The following ZBTB20 variants were observed in gnomAD, a reference collection of about 807,000 sequenced individuals.
ZBTB20 encodes zinc finger and BTB domain-containing protein 20.
ZBTB20 carries 9 observed loss-of-function variants against 56.9 expected under a neutral mutation model. The observed-to-expected ratio is 0.16, with a 90% confidence interval of 0.10 to 0.28. The LOEUF (loss-of-function observed/expected upper bound fraction) is 0.28, where lower values mean the gene tolerates loss of function less well. ZBTB20 is among the 10% of genes least tolerant of loss of function. ZBTB20 has a pLI of 1.00. For missense variants in ZBTB20, 655 were observed against 1,003.0 expected, an observed-to-expected ratio of 0.65 and a Z score of 4.69; for synonymous variants, 417 against 420.7, an observed-to-expected ratio of 0.99 and a Z score of 0.11.
chr3:114,973,374 T>C (rs1159787002), intron 3 of ZBTB20, among the ~76,000 whole-genome samples: 1 of 152,186 alleles, frequency 6.6e-6, no homozygotes, highest in Non-Finnish European at 1.5e-5. Flanking sequence ...CATTACCCTG[T>C]TGACATACAG....
chr3:114,741,875 T>TAAAAAAAAAAAAA (rs554920594), intron 5 of ZBTB20, among the ~76,000 whole-genome samples: 2 of 100,472 alleles, frequency 2.0e-5, no homozygotes, highest in Non-Finnish European at 2.1e-5. Context: ...AGCAAGACTG[T>TAAAAAAAAAAAAA]AAAAAAAAAA....
At chr3:114,885,845 G>T (rs1371316821) in intron 4 of ZBTB20, among the ~76,000 whole-genome samples, 4 of 152,144 alleles carry the variant, frequency 2.6e-5, no homozygotes, top group Non-Finnish European at 4.4e-5. Context: ...AGAGCTGAAA[G>T]TTAAAAGAAA....
chr3:115,067,591 A>AT (rs2082254161), intron 2 of ZBTB20, among the ~76,000 whole-genome samples: 1 of 151,956 alleles, frequency 6.6e-6, no homozygotes, highest in Non-Finnish European at 1.5e-5. Context: ...TTATCTTCAG[A>AT]TTGTCCTCCA....
intron 6 of ZBTB20, among the ~76,000 whole-genome samples, chr3:114,620,581 T>C (rs1168166903): frequency 6.6e-6 from 1 of 152,160 alleles, no homozygotes; most frequent in Non-Finnish European, 1.5e-5. Flanking sequence ...CATGAGCCAC[T>C]GTGTCCGGCT....
chr3:114,974,501 G>A (rs796421219), intron 2 of ZBTB20, 85 bp from the exon 3 acceptor site: 14 of 152,256 alleles, frequency 9.2e-5, no homozygotes, highest in African/African-American at 3.1e-4. Context: ...CCAGGTAGCT[G>A]AGTTTGTGTA....
At chr3:115,007,358 A>G (rs535072762) in intron 2 of ZBTB20, among the ~76,000 whole-genome samples, 19 of 151,832 alleles carry the variant, frequency 1.3e-4, no homozygotes, top group African/African-American at 4.6e-4. Context: ...AAAAAAGAGA[A>G]AGAGAAAAAA....
At chr3:114,965,006 T>C (rs916031122) in intron 3 of ZBTB20, among the ~76,000 whole-genome samples, 1 of 152,116 alleles carries the variant, frequency 6.6e-6, no homozygotes, top group African/African-American at 2.4e-5. Context: ...TCCTAAAATA[T>C]GTCTATCTGA....
intron 4 of ZBTB20, among the ~76,000 whole-genome samples, chr3:114,802,579 G>A (rs564531965): frequency 4.6e-5 from 7 of 151,958 alleles, no homozygotes; most frequent in African/African-American, 1.7e-4. Context: ...AGAAATTATG[G>A]AGGCGTCACC....
chr3:114,716,622 A>C (rs1328394581), intron 5 of ZBTB20, among the ~76,000 whole-genome samples: 1 of 152,098 alleles, frequency 6.6e-6, no homozygotes, highest in African/African-American at 2.4e-5. Context: ...CTGGTTTTAA[A>C]AGCTTGTAAG....
intron 7 of ZBTB20, among the ~76,000 whole-genome samples, chr3:114,426,718 T>C (rs1457954564): frequency 1.3e-5 from 2 of 152,202 alleles, no homozygotes; most frequent in Non-Finnish European, 2.9e-5. Context: ...ACCTCACTTA[T>C]GCCAGAGAGA....
chr3:114,629,552 T>C (rs1232312528), intron 6 of ZBTB20, among the ~76,000 whole-genome samples: 1 of 152,164 alleles, frequency 6.6e-6, no homozygotes, highest in Admixed American at 6.5e-5. Flanking sequence ...CATATTATTA[T>C]TATTGTAGCA....
intron 1 of ZBTB20, among the ~76,000 whole-genome samples, chr3:115,093,872 T>C (rs2083287311): frequency 6.6e-6 from 1 of 152,164 alleles, no homozygotes; most frequent in Non-Finnish European, 1.5e-5. Flanking sequence ...AGAGGGAATT[T>C]ATATAGATCT....
At chr3:115,104,088 G>T (rs186687421) in intron 1 of ZBTB20, among the ~76,000 whole-genome samples, 1 of 152,170 alleles carries the variant, frequency 6.6e-6, no homozygotes, top group Non-Finnish European at 1.5e-5. Flanking sequence ...GCAAATAAGC[G>T]TATGAAAGGG....
chr3:114,753,363 T>TACACACAC (rs2067729590), intron 5 of ZBTB20, among the ~76,000 whole-genome samples: 1 of 97,376 alleles, frequency 1.0e-5, no homozygotes, highest in Non-Finnish European at 2.2e-5. Flanking sequence ...TTATATATAA[T>TACACACAC]GTATATATAA....
chr3:114,653,755 T>G (rs2060250513), intron 6 of ZBTB20, among the ~76,000 whole-genome samples: 1 of 151,870 alleles, frequency 6.6e-6, no homozygotes, highest in Non-Finnish European at 1.5e-5. Context: ...AAACCTGAAG[T>G]TCTTTTTTTA....
chr3:114,936,590 A>C (rs981236440), intron 3 of ZBTB20, among the ~76,000 whole-genome samples: 2 of 152,348 alleles, frequency 1.3e-5, no homozygotes, highest in East Asian at 1.9e-4. Context: ...ATGAATGGAT[A>C]AATTAGTAAA....
Position 114,883,916 on chromosome 3 carries a change from C to CCTTT in ZBTB20, c.-417+16387_-417+16388insAAAG, listed in dbSNP as rs1223732179. On this transcript the variant is annotated intron_variant, in intron 4 of 11. Coordinates refer to ENST00000675478, the MANE Select transcript of ZBTB20 (RefSeq NM_001348800.3). ...GTATAACTGGTAAGAATGGTGTGTT[C>CCTTT]TTTTTTTTTTTTTTTTTTTTTTTTT... is the stretch of plus-strand genomic sequence containing the variant. Among the ~76,000 whole-genome samples, 205 of 89,822 alleles carry CCTTT rather than the reference C, an allele frequency of 2.3e-3. 66 individuals are homozygous for CCTTT. The highest frequency in any genetic ancestry group is 3.4e-3 in the Admixed American group (21 of 6,248). 58.9% of individuals were successfully genotyped at this position (89,822 alleles called of 152,430 possible).
At position 114,964,240 on chromosome 3, in the gene ZBTB20, C is replaced by T. The variant is rs557725084; in HGVS notation, c.-456+10126G>A. Among the ~76,000 whole-genome samples the T allele has an allele frequency of 5.2e-3, 790 of 152,132 alleles. 8 individuals are homozygous for T. Among genetic ancestry groups the T allele is most frequent in the African/African-American group, 0.018 (731 of 41,504 alleles). On this transcript the variant is annotated intron_variant, in intron 3 of 11. Transcript: ENST00000675478. ...AACCAGCCTGGTCAACATGGTGAAACCCCGTCTCTACCAAAAATACAAAAA... is the reference window on the plus strand; with the variant it reads ...AACCAGCCTGGTCAACATGGTGAAATCCCGTCTCTACCAAAAATACAAAAA...
chr3:114,696,603 C>G (rs1188895267), intron 5 of ZBTB20, among the ~76,000 whole-genome samples: 2 of 152,126 alleles, frequency 1.3e-5, no homozygotes, highest in East Asian at 3.9e-4. Context: ...AAAAATCCCT[C>G]CAACCTCCCT....
Sources: gnomAD v4.1 joint callset for allele counts (sites outside exome capture counted in the v4.1 genomes callset) on GRCh38, gnomAD v4.1.1 for gene constraint, MANE v1.5 for transcripts, NCBI Gene and HGNC (gene_info 2026-07-23, HGNC 2026-07-21) for gene names.